The following ACTA2 variants were observed in gnomAD, a reference collection of about 807,000 sequenced individuals.
ACTA2 encodes actin alpha 2, smooth muscle.
Under a neutral mutation model 39.5 loss-of-function variants are expected in ACTA2, and 12 were observed. That is an observed-to-expected ratio of 0.30 (90% CI 0.19 to 0.49). The LOEUF is 0.49. Ranked by LOEUF, ACTA2 falls within the 20% of genes least tolerant of loss-of-function variation. The pLI is 0.99. For synonymous variants in ACTA2, 158 were observed against 180.6 expected, an observed-to-expected ratio of 0.88 and a Z score of 1.00; for missense variants, 236 against 498.8, an observed-to-expected ratio of 0.47 and a Z score of 5.02.
In ACTA2 at chr10:88,990,412, C is replaced by T. The variant is rs1564669028; in HGVS notation, c.-24+527G>A. The T allele has an allele frequency of 8.9e-6, 4 of 449,684 alleles. No individual in the cohort carries two copies. Among genetic ancestry groups the T allele is most frequent in the Admixed American group, 6.1e-5 (2 of 32,724 alleles). The allele number at this position is 449,684 out of a possible 1,614,324, so 27.9% of individuals were successfully genotyped here. Reference sequence around the variant, plus strand: ...GAAGCCTTTAGAAAGGGCAGGAGGCCGGCTCTCGAGGTCCTCACCTGAAGT... The same window carrying T: ...GAAGCCTTTAGAAAGGGCAGGAGGCTGGCTCTCGAGGTCCTCACCTGAAGT... On this transcript the variant is annotated intron_variant, in intron 1 of 4. Coordinates refer to the ACTA2 transcript ENST00000415557. The surrounding 1 kb of genome is among the most constrained non-coding windows in gnomAD (Gnocchi z 4.9).
chr10:88,985,092 T>C (rs1269386524), intron 1 of ACTA2, among the ~76,000 whole-genome samples: 1 of 152,116 alleles, frequency 6.6e-6, no homozygotes, highest in Non-Finnish European at 1.5e-5. Context: ...TACAACAAAA[T>C]AATAAAATAA....
At chr10:88,947,167 G>T in intron 3 of ACTA2, 91 bp downstream of exon 3, 1 of 1,551,396 alleles carries the variant, frequency 6.4e-7, no homozygotes. Flanking sequence ...ATGTGAGCCA[G>T]TTATTTCCCC....
At chr10:88,978,771 A>G (rs1359287673) in intron 1 of ACTA2, among the ~76,000 whole-genome samples, 2 of 152,120 alleles carry the variant, frequency 1.3e-5, no homozygotes, top group African/African-American at 4.8e-5. Context: ...CTCTTCTACA[A>G]ATTCATGCTA....
chr10:88,988,995 G>C (rs1223536086), intron 1 of ACTA2, among the ~76,000 whole-genome samples: 4 of 152,156 alleles, frequency 2.6e-5, no homozygotes, highest in Admixed American at 1.3e-4. Context: ...GTAGGGGAAG[G>C]GGGTATGGCA....
At chr10:88,965,580 A>G (rs977804465) in intron 1 of ACTA2, among the ~76,000 whole-genome samples, 2 of 152,164 alleles carry the variant, frequency 1.3e-5, no homozygotes, top group Non-Finnish European at 2.9e-5. Context: ...GTATACCAAC[A>G]TATCGACCAC....
At chr10:88,967,808 A>G (rs1846346312) in intron 1 of ACTA2, among the ~76,000 whole-genome samples, 1 of 152,236 alleles carries the variant, frequency 6.6e-6, no homozygotes, top group African/African-American at 2.4e-5. Flanking sequence ...AACTCATTTC[A>G]ATCATCCCTA....
At position 88,935,123 on chromosome 10, in the gene ACTA2, C is replaced by T; in HGVS notation, c.*100G>A. The T allele has an allele frequency of 1.3e-6, 2 of 1,541,058 alleles. No homozygotes were observed. Among genetic ancestry groups the T allele is most frequent in the Non-Finnish European group, 1.8e-6 (2 of 1,121,074 alleles). ...ATTAAAAAACACATAGGTAACGAGT[C>T]AGAGCTTTGGCTAGGAATGATTTGG... On this transcript the variant is annotated 3_prime_UTR_variant, in exon 9 of 9. Transcript: ENST00000224784.
intron 1 of ACTA2, among the ~76,000 whole-genome samples, chr10:88,959,022 T>C (rs1846185520): frequency 6.6e-6 from 1 of 152,130 alleles, no homozygotes; most frequent in African/African-American, 2.4e-5. Flanking sequence ...AACAAGCCAT[T>C]TATACCAATG....
chr10:88,962,027 C>T (rs531292765), intron 1 of ACTA2, among the ~76,000 whole-genome samples: 2 of 152,190 alleles, frequency 1.3e-5, no homozygotes, highest in Admixed American at 6.5e-5. Context: ...ACAAGTTTTG[C>T]AAATTCAGAT....
At chr10:88,972,357 A>G (rs1846466162) in intron 1 of ACTA2, among the ~76,000 whole-genome samples, 1 of 152,248 alleles carries the variant, frequency 6.6e-6, no homozygotes, top group African/African-American at 2.4e-5. Flanking sequence ...TGTAATAGTA[A>G]TTGATGTCAC....
intron 1 of ACTA2, among the ~76,000 whole-genome samples, chr10:88,972,887 C>T (rs544004185): frequency 3.1e-4 from 47 of 152,120 alleles, no homozygotes; most frequent in Middle Eastern, 3.2e-3. Context: ...GAGACTCTTA[C>T]AGGTAATTTT....
At position 88,941,906 on chromosome 10, in the gene ACTA2, GC is replaced by G. The variant is rs763870834; in HGVS notation, c.370-38del. 4.5e-6 allele frequency: 7 copies of G among 1,570,562 alleles called. No homozygotes were observed. In the Admixed American group the frequency reaches 1.2e-4, roughly 28 times the overall value. On this transcript the variant is annotated intron_variant, in intron 4 of 8. Coordinates refer to ENST00000224784, the MANE Select transcript of ACTA2 (RefSeq NM_001613.4). ...TCCAAAGAGCTGAGTTAGTGAAGGTGCCCATCTGACAAAGAATGGTCAGGAG... is the reference window on the plus strand; with the variant it reads ...TCCAAAGAGCTGAGTTAGTGAAGGTGCCATCTGACAAAGAATGGTCAGGAG...
At chr10:88,985,264 T>C (rs933770657) in intron 1 of ACTA2, among the ~76,000 whole-genome samples, 3 of 152,178 alleles carry the variant, frequency 2.0e-5, no homozygotes, top group Non-Finnish European at 4.4e-5. Context: ...AGGATTTATA[T>C]CTAGGGACTC....
At chr10:88,948,070 T>C (rs974350305) in intron 2 of ACTA2, among the ~76,000 whole-genome samples, 1 of 152,206 alleles carries the variant, frequency 6.6e-6, no homozygotes, top group Non-Finnish European at 1.5e-5. Context: ...CAGCCATGGC[T>C]ACTATGGACC....
At chr10:88,987,838 T>C (rs375466245) in intron 1 of ACTA2, among the ~76,000 whole-genome samples, 65 of 152,364 alleles carry the variant, frequency 4.3e-4, no homozygotes, top group Non-Finnish European at 7.2e-4. Context: ...GATGTTTCTG[T>C]AAAGCAATGT....
At chr10:88,947,749 G>A (rs149816869) in intron 2 of ACTA2, among the ~76,000 whole-genome samples, 18 of 152,286 alleles carry the variant, frequency 1.2e-4, no homozygotes, top group Non-Finnish European at 5.9e-5. Flanking sequence ...TTGAAAGAAT[G>A]TATACAATTT....
intron 1 of ACTA2, among the ~76,000 whole-genome samples, chr10:88,981,182 C>T (rs1009703770): frequency 2.6e-5 from 4 of 152,208 alleles, no homozygotes; most frequent in African/African-American, 9.6e-5. Context: ...CTAACTCGAG[C>T]TCTGCCACAT....
chr10:88,948,776 TA>T (rs1466243482), intron 2 of ACTA2, 25 bp downstream of exon 2: 4 of 1,613,640 alleles, frequency 2.5e-6, no homozygotes, highest in Non-Finnish European at 3.4e-6. Context: ...TGTGTCCTGT[TA>T]TGTTCCAATC....
intron 1 of ACTA2, among the ~76,000 whole-genome samples, chr10:88,957,847 A>C (rs1846162998): frequency 1.3e-5 from 2 of 152,158 alleles, no homozygotes; most frequent in South Asian, 4.1e-4. Context: ...GGCTCACTGC[A>C]ACAACCGCCT....
Sources: gnomAD v4.1 joint callset for allele counts (sites outside exome capture counted in the v4.1 genomes callset) on GRCh38, gnomAD v4.1.1 for gene constraint, Gnocchi (gnomAD v3.1) non-coding constraint, MANE v1.5 for transcripts, NCBI Gene and HGNC (gene_info 2026-07-23, HGNC 2026-07-21) for gene names.